TRPS1: variants seen among roughly 807,000 people sequenced by gnomAD.
TRPS1 encodes zinc finger transcription factor Trps1.
Under a neutral mutation model 101.2 loss-of-function variants are expected in TRPS1, and 6 were observed. That is an observed-to-expected ratio of 0.06 (90% confidence interval 0.03 to 0.12). The LOEUF is 0.12. Ranked by LOEUF, TRPS1 falls within the 10% of genes least tolerant of loss-of-function variation. TRPS1 has a pLI of 1.00. For synonymous variants in TRPS1, 578 were observed against 589.8 expected, an observed-to-expected ratio of 0.98 and a Z score of 0.29; for missense variants, 1,363 against 1,567.0, an observed-to-expected ratio of 0.87 and a Z score of 2.20.
intron 5 of TRPS1, among the ~76,000 whole-genome samples, chr8:115,432,057 A>T (rs1176445758): frequency 1.3e-5 from 2 of 151,884 alleles, no homozygotes; most frequent in African/African-American, 4.8e-5. Context: ...TATATTTAAA[A>T]AATTCAGAGG....
chr8:115,604,064 G>A lies in TRPS1; in HGVS notation c.1905C>T (p.Thr635=). 6.2e-7 allele frequency: 1 copy of A among 1,614,034 alleles called. No homozygotes were observed. The highest frequency in any genetic ancestry group is 8.5e-7 in the Non-Finnish European group (1 of 1,179,986). ...VKHQCHQCSF[T]TPDVDVLLFH... ...AGAGGAGTACATCTACGTCAGGGGT[G>A]GTGAATGAACACTGATGGCACTGAT... is the stretch of plus-strand genomic sequence containing the variant. The change falls in exon 4 of 7, where the codon ACC becomes ACT. Residue 635 remains threonine (T), a synonymous_variant. Coordinates refer to ENST00000395715, the MANE Select transcript of TRPS1 (RefSeq NM_014112.5). This position sits in a 1 kb window ranked among gnomAD's most constrained non-coding sequence, Gnocchi z 4.1.
At chr8:115,417,917 G>A (rs1455751031) in intron 6 of TRPS1, among the ~76,000 whole-genome samples, 1 of 152,042 alleles carries the variant, frequency 6.6e-6, no homozygotes, top group Admixed American at 6.5e-5. Context: ...TAGAAAACAC[G>A]AATTCTTTCC....
chr8:115,462,860 A>T (rs1011626108), intron 5 of TRPS1, among the ~76,000 whole-genome samples: 3 of 152,078 alleles, frequency 2.0e-5, no homozygotes, highest in Non-Finnish European at 4.4e-5. Flanking sequence ...AATGTTGTGG[A>T]CAATGGGGAT....
At chr8:115,522,383 C>T (rs1815887686) in intron 5 of TRPS1, among the ~76,000 whole-genome samples, 1 of 151,940 alleles carries the variant, frequency 6.6e-6, no homozygotes, top group African/African-American at 2.4e-5. Context: ...GTGCTCCACA[C>T]TTTATACAAG....
intron 5 of TRPS1, among the ~76,000 whole-genome samples, chr8:115,477,809 T>C (rs898618115): frequency 2.0e-5 from 3 of 152,304 alleles, no homozygotes; most frequent in Non-Finnish European, 4.4e-5. Context: ...CATTCTTTTT[T>C]TTTTTCATTT....
At chr8:115,494,632 G>C (rs1815105498) in intron 5 of TRPS1, among the ~76,000 whole-genome samples, 1 of 152,188 alleles carries the variant, frequency 6.6e-6, no homozygotes, top group Non-Finnish European at 1.5e-5. Context: ...CAACTTACTT[G>C]TAAGCCTATT....
At chr8:115,458,824 A>G (rs1472582115) in intron 5 of TRPS1, among the ~76,000 whole-genome samples, 2 of 152,226 alleles carry the variant, frequency 1.3e-5, no homozygotes, top group Admixed American at 6.5e-5. Flanking sequence ...CTGCTTCAAT[A>G]GGAAAACAAA....
chr8:115,454,552 C>A (rs530675431), intron 5 of TRPS1, among the ~76,000 whole-genome samples: 89 of 152,106 alleles, frequency 5.9e-4, no homozygotes, highest in Non-Finnish European at 1.2e-3. Context: ...CTTGATTAAT[C>A]TCAATCTGAT....
intron 5 of TRPS1, among the ~76,000 whole-genome samples, chr8:115,467,222 A>G (rs927490535): frequency 3.3e-5 from 5 of 152,090 alleles, no homozygotes; most frequent in Admixed American, 1.3e-4. Flanking sequence ...AAGTTACTTG[A>G]TTCTGTCATA....
chr8:115,602,718 T>C (rs758941434), intron 4 of TRPS1, among the ~76,000 whole-genome samples: 1 of 152,156 alleles, frequency 6.6e-6, no homozygotes, highest in African/African-American at 2.4e-5. Context: ...ATGTAGAAAT[T>C]GAATAGATTT....
intron 4 of TRPS1, among the ~76,000 whole-genome samples, chr8:115,593,006 C>T (rs751733120): frequency 4.6e-5 from 7 of 151,124 alleles, no homozygotes; most frequent in Admixed American, 6.6e-5. Context: ...TTTTAAGAAA[C>T]GAGGTCTCAC....
intron 5 of TRPS1, among the ~76,000 whole-genome samples, chr8:115,573,771 C>T (rs1391835892): frequency 6.6e-6 from 1 of 152,178 alleles, no homozygotes; most frequent in Non-Finnish European, 1.5e-5. Flanking sequence ...GCTCCCCATA[C>T]TATACTATAC....
chr8:115,647,352 A>C (rs1158861236), intron 1 of TRPS1, among the ~76,000 whole-genome samples: 1 of 152,194 alleles, frequency 6.6e-6, no homozygotes, highest in East Asian at 1.9e-4. Flanking sequence ...AATAAGCTTG[A>C]TGATGTAAAG....
intron 5 of TRPS1, among the ~76,000 whole-genome samples, chr8:115,433,742 A>T (rs1246271747): frequency 6.6e-6 from 1 of 152,114 alleles, no homozygotes; most frequent in African/African-American, 2.4e-5. Context: ...TTTCAATTAC[A>T]CTCTTAATAC....
intron 5 of TRPS1, among the ~76,000 whole-genome samples, chr8:115,521,841 A>T (rs1202294657): frequency 1.3e-5 from 2 of 152,064 alleles, no homozygotes; most frequent in South Asian, 4.1e-4. Context: ...TTGGTTTGAA[A>T]ACACTATATA....
chr8:115,491,100 G>A, intron 5 of TRPS1, among the ~76,000 whole-genome samples: 1 of 152,092 alleles, frequency 6.6e-6, no homozygotes, highest in East Asian at 1.9e-4. Context: ...TGCTAACTGG[G>A]AGACAAACAA....
At chr8:115,482,523 G>C (rs1177158812) in intron 5 of TRPS1, among the ~76,000 whole-genome samples, 2 of 151,958 alleles carry the variant, frequency 1.3e-5, no homozygotes, top group Non-Finnish European at 2.9e-5. Flanking sequence ...ATCTTCTCTG[G>C]CAAACATCAC....
intron 1 of TRPS1, among the ~76,000 whole-genome samples, chr8:115,648,351 G>T (rs184839930): frequency 2.5e-4 from 38 of 152,276 alleles, no homozygotes; most frequent in African/African-American, 8.2e-4. Context: ...GTAACCGGAG[G>T]GAACGGGCGC....
chr8:115,461,116 A>T (rs1368454708), intron 5 of TRPS1, among the ~76,000 whole-genome samples: 9 of 152,156 alleles, frequency 5.9e-5, no homozygotes, highest in Admixed American at 5.9e-4. Flanking sequence ...ATAATGAAAA[A>T]TCTGGGAATT....
Sources: allele counts gnomAD v4.1 joint callset (sites outside exome capture counted in the v4.1 genomes callset), GRCh38; gene constraint gnomAD v4.1.1; non-coding constraint Gnocchi (gnomAD v3.1); transcripts MANE v1.5; gene names NCBI Gene and HGNC (gene_info 2026-07-23, HGNC 2026-07-21).